Variants in SMARCAD1 observed in about 807,000 individuals in gnomAD.
SMARCAD1 encodes the protein SNF2 related chromatin remodeling ATPase with DExD box 1.
In SMARCAD1, 25 loss-of-function variants were observed where a neutral mutation model predicts 127.1. That is an observed-to-expected ratio of 0.20 (90% CI 0.14 to 0.27). The LOEUF (loss-of-function observed/expected upper bound fraction) is 0.27. Ranked by LOEUF, SMARCAD1 falls within the 10% of genes least tolerant of loss-of-function variation. The probability of loss-of-function intolerance (pLI) is 1.00; values close to 1 mark genes in which losing one functional copy is unlikely to be tolerated. For synonymous variants in SMARCAD1, 400 were observed against 396.9 expected, an observed-to-expected ratio of 1.01 and a Z score of -0.09; for missense variants, 807 against 1,206.0, an observed-to-expected ratio of 0.67 and a Z score of 4.90.
chr4:94,214,208 T>G (rs1211507550), intron 2 of SMARCAD1, among the ~76,000 whole-genome samples: 2 of 151,802 alleles, frequency 1.3e-5, no homozygotes, highest in Non-Finnish European at 2.9e-5. Flanking sequence ...GTAACCTGAT[T>G]GGGAAGTAAT....
Position 94,289,902 on chromosome 4 carries a change from A to G in SMARCAD1, c.*368A>G, listed in dbSNP as rs1321158995. 4 of 455,780 alleles carry G rather than the reference A, an allele frequency of 8.8e-6. No homozygotes were observed. The Admixed American group carries it at 9.5e-5, about 11-fold the overall frequency. 28.2% of individuals were successfully genotyped at this position (455,780 alleles called of 1,614,324 possible). On this transcript the variant is annotated 3_prime_UTR_variant, in exon 24 of 24. Transcript: ENST00000354268. Reference sequence around the variant, plus strand: ...TATATATATTGTCTTTCACTGGATAATGTGTGTAGATTTTTACATGTGCCT... The same window carrying G: ...TATATATATTGTCTTTCACTGGATAGTGTGTGTAGATTTTTACATGTGCCT...
intron 4 of SMARCAD1, among the ~76,000 whole-genome samples, chr4:94,235,748 AAT>A (rs1746561652): frequency 6.6e-6 from 1 of 151,980 alleles, no homozygotes; most frequent in Non-Finnish European, 1.5e-5. Flanking sequence ...GGAGTATTAA[AAT>A]ATTCAACATA....
chr4:94,235,229 C>CTTTTTTTTTT (rs35123705), intron 4 of SMARCAD1, among the ~76,000 whole-genome samples: 1 of 39,304 alleles, frequency 2.5e-5, no homozygotes, highest in African/African-American at 1.0e-4. Context: ...ACCACCAATC[C>CTTTTTTTTTT]TTTTTTTTTT....
At chr4:94,264,167 A>C (rs1421942436) in intron 9 of SMARCAD1, among the ~76,000 whole-genome samples, 1 of 151,898 alleles carries the variant, frequency 6.6e-6, no homozygotes, top group Non-Finnish European at 1.5e-5. Flanking sequence ...GTATCAAGTG[A>C]CAAATAATTA....
chr4:94,252,927 C>T lies in SMARCAD1; in HGVS notation c.1201C>T (p.Leu401Phe). 6.2e-7 allele frequency: 1 copy of T among 1,614,074 alleles called. No homozygotes were observed. The highest frequency in any genetic ancestry group is 8.5e-7 in the Non-Finnish European group (1 of 1,179,990). The change falls in exon 9 of 24, where the codon CTT becomes TTT. Residue 401 changes from leucine to phenylalanine, a missense_variant. Coordinates refer to ENST00000354268, the MANE Select transcript of SMARCAD1 (RefSeq NM_020159.5). ...HFLQDASIGE[L>F]TLIPQCSQKK... Reference sequence around the variant, plus strand: ...CCTTCAAGATGCTTCAATTGGTGAACTTACTTTGATTCCTCAGTGTTCTCA... The same window carrying T: ...CCTTCAAGATGCTTCAATTGGTGAATTTACTTTGATTCCTCAGTGTTCTCA...
intron 2 of SMARCAD1, among the ~76,000 whole-genome samples, chr4:94,213,326 T>A (rs1411564684): frequency 6.6e-6 from 1 of 152,028 alleles, no homozygotes; most frequent in African/African-American, 2.4e-5. Context: ...CTCTAAACAA[T>A]GAAATCATTG....
At chr4:94,223,734 ATTTTTT>A (rs944591007) in intron 2 of SMARCAD1, among the ~76,000 whole-genome samples, 4 of 100,156 alleles carry the variant, frequency 4.0e-5, no homozygotes, top group East Asian at 4.1e-4. Context: ...CTCCCGGCTA[ATTTTTT>A]TTTTTTTTTT....
intron 10 of SMARCAD1, among the ~76,000 whole-genome samples, chr4:94,268,720 T>G (rs1221428609): frequency 6.6e-6 from 1 of 152,206 alleles, no homozygotes; most frequent in Non-Finnish European, 1.5e-5. Flanking sequence ...TTACTTAACT[T>G]CTGTGAGCCG....
At chr4:94,273,401 A>G (rs191777012) in intron 11 of SMARCAD1, among the ~76,000 whole-genome samples, 55 of 152,360 alleles carry the variant, frequency 3.6e-4, no homozygotes, top group African/African-American at 1.2e-3. Flanking sequence ...ATGAAGATCT[A>G]TCCACTGCTC....
chr4:94,227,033 G>A (rs554903530), intron 3 of SMARCAD1, among the ~76,000 whole-genome samples: 2 of 152,018 alleles, frequency 1.3e-5, no homozygotes, highest in Admixed American at 6.6e-5. Flanking sequence ...TCTAAAGAGC[G>A]TGGTCAGAAA....
At chr4:94,219,623 A>G (rs773897798) in intron 2 of SMARCAD1, among the ~76,000 whole-genome samples, 2 of 152,214 alleles carry the variant, frequency 1.3e-5, no homozygotes, top group Non-Finnish European at 2.9e-5. Flanking sequence ...CCCTAGGGCC[A>G]TGGAGTCTTC....
In SMARCAD1 at chr4:94,233,951, T is replaced by C; in HGVS notation, c.369-3T>C. On this transcript the variant is annotated splice_polypyrimidine_tract_variant and splice_region_variant and intron_variant, in intron 3 of 23. Coordinates refer to ENST00000354268, the MANE Select transcript of SMARCAD1 (RefSeq NM_020159.5). Reference sequence around the variant, plus strand: ...TTTTTTGCTCCTCTAAAAATATTTTTAGTTCTGAGCCATCTGAAGATGAAG... The same window carrying C: ...TTTTTTGCTCCTCTAAAAATATTTTCAGTTCTGAGCCATCTGAAGATGAAG... 1 of 1,613,604 alleles carries C rather than the reference T, an allele frequency of 6.2e-7. No individual in the cohort carries two copies. Among genetic ancestry groups the C allele is most frequent in the Non-Finnish European group, 8.5e-7 (1 of 1,179,674 alleles).
intron 4 of SMARCAD1, among the ~76,000 whole-genome samples, chr4:94,234,683 G>T (rs947123975): frequency 2.6e-5 from 4 of 152,170 alleles, no homozygotes; most frequent in African/African-American, 9.7e-5. Context: ...TTTAGGTAGA[G>T]AATAAATTTC....
intron 23 of SMARCAD1, among the ~76,000 whole-genome samples, chr4:94,288,673 G>T (rs185087610): frequency 3.0e-4 from 46 of 152,182 alleles, no homozygotes; most frequent in Non-Finnish European, 5.6e-4. Flanking sequence ...GAGGAGAGAA[G>T]TGGTTAGTTT....
chr4:94,237,386 T>C (rs1042002995), intron 5 of SMARCAD1, among the ~76,000 whole-genome samples: 15 of 152,016 alleles, frequency 9.9e-5, no homozygotes, highest in Admixed American at 9.2e-4. Context: ...TATTTTTTCA[T>C]GTTTCAGGGG....
At chr4:94,275,079 T>A in intron 14 of SMARCAD1, 114 bp downstream of exon 14, 1 of 791,320 alleles carries the variant, frequency 1.3e-6, no homozygotes, top group Non-Finnish European at 2.2e-6. Flanking sequence ...GATACGAAAG[T>A]AATAGAATGA....
intron 12 of SMARCAD1, among the ~76,000 whole-genome samples, chr4:94,274,442 G>A (rs558791293): frequency 9.2e-5 from 14 of 151,996 alleles, no homozygotes; most frequent in African/African-American, 3.1e-4. Flanking sequence ...TCAGCCTCCC[G>A]AGTAGCTGGG....
chr4:94,249,649 A>C lies in SMARCAD1; in HGVS notation c.706-5A>C. 1 of 1,484,350 alleles carries C rather than the reference A, an allele frequency of 6.7e-7. No individual in the cohort carries two copies. Among genetic ancestry groups the C allele is most frequent in the Non-Finnish European group, 9.4e-7 (1 of 1,063,172 alleles). The allele number at this position is 1,484,350 out of a possible 1,614,324, so 91.9% of individuals were successfully genotyped here. A position where few individuals can be genotyped will look rare whatever the true frequency, so the allele number is the denominator to read the frequency against. ...ATTGTTTTCTTTTTTTTTTCTCCCC[A>C]TTAGGGAGAGGAATCAAATGAGTCT... On this transcript the variant is annotated splice_region_variant and splice_polypyrimidine_tract_variant and intron_variant, in intron 6 of 23. Transcript: ENST00000354268.
At chr4:94,221,338 G>A (rs568881611) in intron 2 of SMARCAD1, among the ~76,000 whole-genome samples, 1 of 152,120 alleles carries the variant, frequency 6.6e-6, no homozygotes, top group Non-Finnish European at 1.5e-5. Context: ...CATGGTTAAC[G>A]GTTTTAACGT....
Sources: gnomAD v4.1 joint callset for allele counts (sites outside exome capture counted in the v4.1 genomes callset) on GRCh38, gnomAD v4.1.1 for gene constraint, MANE v1.5 for transcripts, NCBI Gene and HGNC (gene_info 2026-07-23, HGNC 2026-07-21) for gene names.